The following KCNH7 variants were observed in gnomAD, a reference collection of about 807,000 sequenced individuals.
KCNH7 encodes the protein potassium voltage-gated channel subfamily H member 7.
Under a neutral mutation model 120.8 loss-of-function variants are expected in KCNH7, and 49 were observed. That is an observed-to-expected ratio of 0.41 (90% confidence interval 0.32 to 0.51). The LOEUF (loss-of-function observed/expected upper bound fraction) is 0.51, where lower values mean the gene tolerates loss of function less well. Among genes scored for constraint, KCNH7 ranks in the 20% least tolerant of loss-of-function variants. The pLI is 0.38. For missense variants in KCNH7, 1,097 were observed against 1,446.6 expected (o/e 0.76, Z 3.92); for synonymous variants, 547 against 516.1 (o/e 1.06, Z -0.81).
At chr2:162,455,414 T>C (rs994835740) in intron 6 of KCNH7, among the ~76,000 whole-genome samples, 10 of 152,124 alleles carry the variant, frequency 6.6e-5, no homozygotes, top group Non-Finnish European at 1.5e-4. Context: ...TGTGTGTATG[T>C]CTGCTGGGTT....
intron 2 of KCNH7, among the ~76,000 whole-genome samples, chr2:162,548,783 A>T (rs966852136): frequency 6.6e-6 from 1 of 152,230 alleles, no homozygotes; most frequent in Non-Finnish European, 1.5e-5. Flanking sequence ...TGTAAAATGG[A>T]TATGATAGTG....
chr2:162,420,195 G>A lies in KCNH7; in HGVS notation c.2154+3141C>T, dbSNP rs533321404. 1.4e-4 allele frequency among the ~76,000 whole-genome samples: 21 copies of A among 152,202 alleles called. 1 individual carries two copies. The Middle Eastern group carries it at 0.024, about 173-fold the overall frequency. On this transcript the variant is annotated intron_variant, in intron 9 of 15. Transcript: ENST00000332142. Reference sequence around the variant, plus strand: ...GGCCAAGACCATCCTGGCCAACATGGTGAAAGCCTATCTCTACTAAAAATA... The same window carrying A: ...GGCCAAGACCATCCTGGCCAACATGATGAAAGCCTATCTCTACTAAAAATA...
intron 9 of KCNH7, among the ~76,000 whole-genome samples, chr2:162,411,476 G>A (rs537399354): frequency 1.3e-5 from 2 of 151,946 alleles, no homozygotes; most frequent in Non-Finnish European, 2.9e-5. Flanking sequence ...GGGTGAAAAG[G>A]AAGAGTGGTA....
chr2:162,778,751 T>G lies in KCNH7; in HGVS notation c.307+57786A>C, dbSNP rs896505095. Reference sequence around the variant, plus strand: ...GGTGTGATTCACATTTACCTCATTATGAAACTGATATTTTAGATATTTTCA... The same window carrying G: ...GGTGTGATTCACATTTACCTCATTAGGAAACTGATATTTTAGATATTTTCA... On this transcript the variant is annotated intron_variant, in intron 2 of 15. Coordinates refer to ENST00000332142, the MANE Select transcript of KCNH7 (RefSeq NM_033272.4). 2.0e-5 allele frequency among the ~76,000 whole-genome samples: 3 copies of G among 152,348 alleles called. No individual in the cohort carries two copies. In the East Asian group the frequency reaches 5.8e-4, roughly 29 times the overall value.
chr2:162,529,442 G>C (rs1466621287), intron 3 of KCNH7, among the ~76,000 whole-genome samples: 1 of 151,856 alleles, frequency 6.6e-6, no homozygotes, highest in African/African-American at 2.4e-5. Flanking sequence ...ATCCCTTCAA[G>C]AAATGTTTAG....
At chr2:162,805,402 C>A (rs1243285881) in intron 2 of KCNH7, among the ~76,000 whole-genome samples, 1 of 151,756 alleles carries the variant, frequency 6.6e-6, no homozygotes, top group Non-Finnish European at 1.5e-5. Context: ...AAAATATAAT[C>A]CCATCAAAAA....
At chr2:162,764,067 A>G (rs1036221236) in intron 2 of KCNH7, among the ~76,000 whole-genome samples, 84 of 152,134 alleles carry the variant, frequency 5.5e-4, no homozygotes, top group African/African-American at 1.9e-3. Flanking sequence ...CTTTCTTTCC[A>G]AATATTTGGC....
intron 2 of KCNH7, among the ~76,000 whole-genome samples, chr2:162,652,015 T>G (rs1219825751): frequency 6.6e-6 from 1 of 152,232 alleles, no homozygotes; most frequent in Non-Finnish European, 1.5e-5. Flanking sequence ...TTGAGAAGTC[T>G]GTTCATGATC....
At chr2:162,820,458 G>A (rs1424070058) in intron 2 of KCNH7, among the ~76,000 whole-genome samples, 1 of 151,960 alleles carries the variant, frequency 6.6e-6, no homozygotes, top group Non-Finnish European at 1.5e-5. Flanking sequence ...AGGTGTGAAA[G>A]GTATAATTCC....
At chr2:162,533,195 C>G (rs1349096214) in intron 3 of KCNH7, among the ~76,000 whole-genome samples, 2 of 151,318 alleles carry the variant, frequency 1.3e-5, no homozygotes, top group African/African-American at 4.8e-5. Flanking sequence ...AACCCCGAAA[C>G]CAGAATAAAA....
chr2:162,660,800 T>A (rs1684933164), intron 2 of KCNH7, among the ~76,000 whole-genome samples: 1 of 152,194 alleles, frequency 6.6e-6, no homozygotes, highest in Admixed American at 6.5e-5. Flanking sequence ...AACACAACCT[T>A]TAAAATGGTA....
intron 2 of KCNH7, among the ~76,000 whole-genome samples, chr2:162,545,200 CCTT>C (rs1322912789): frequency 1.3e-5 from 2 of 152,146 alleles, no homozygotes; most frequent in Admixed American, 6.5e-5. Context: ...TAGGAAATGT[CCTT>C]CTCTAGGAGA....
chr2:162,803,215 T>C (rs917289121), intron 2 of KCNH7, among the ~76,000 whole-genome samples: 18 of 151,780 alleles, frequency 1.2e-4, no homozygotes. Context: ...ATTTTAATTA[T>C]TTAAAATGTA....
chr2:162,560,966 G>T (rs1433020035), intron 2 of KCNH7, among the ~76,000 whole-genome samples: 8 of 152,046 alleles, frequency 5.3e-5, no homozygotes, highest in South Asian at 2.1e-4. Context: ...TGTCCACAAG[G>T]GTGTCTGATG....
intron 2 of KCNH7, among the ~76,000 whole-genome samples, chr2:162,632,528 A>G (rs1021632297): frequency 2.6e-5 from 4 of 151,918 alleles, no homozygotes; most frequent in Non-Finnish European, 4.4e-5. Context: ...ACAATTCATT[A>G]TGAAAAAGAA....
intron 2 of KCNH7, among the ~76,000 whole-genome samples, chr2:162,740,099 G>A (rs1574327311): frequency 6.6e-6 from 1 of 152,144 alleles, no homozygotes. Context: ...TAAAAGCACT[G>A]ATGAATCAGT....
intron 2 of KCNH7, among the ~76,000 whole-genome samples, chr2:162,658,137 G>A (rs1280327884): frequency 6.6e-6 from 1 of 151,400 alleles, no homozygotes; most frequent in Non-Finnish European, 1.5e-5. Context: ...GGAAGGGGGT[G>A]CTTACCAGAC....
chr2:162,577,461 C>A (rs1190067455), intron 2 of KCNH7, among the ~76,000 whole-genome samples: 1 of 151,022 alleles, frequency 6.6e-6, no homozygotes, highest in Non-Finnish European at 1.5e-5. Context: ...ATTGAGGAAC[C>A]CAGAGAGATT....
intron 2 of KCNH7, among the ~76,000 whole-genome samples, chr2:162,640,172 A>AT (rs1298700290): frequency 6.6e-6 from 1 of 152,170 alleles, no homozygotes; most frequent in African/African-American, 2.4e-5. Flanking sequence ...CCAGCAAAAT[A>AT]TTTTTTATGT....
Sources: gnomAD v4.1 joint callset for allele counts (sites outside exome capture counted in the v4.1 genomes callset) on GRCh38, gnomAD v4.1.1 for gene constraint, MANE v1.5 for transcripts, NCBI Gene and HGNC (gene_info 2026-07-23, HGNC 2026-07-21) for gene names.